SLC2A13: variants seen among roughly 807,000 people sequenced by gnomAD.
The protein encoded by SLC2A13 is solute carrier family 2 member 13, also known as proton myo-inositol cotransporter.
A neutral mutation model predicts 64.4 loss-of-function variants in SLC2A13; 32 were observed. The observed-to-expected ratio is 0.50, with a 90% confidence interval of 0.37 to 0.67. SLC2A13 has a LOEUF of 0.67. Among genes scored for constraint, SLC2A13 ranks in the 30% least tolerant of loss-of-function variants. The pLI is 0.00. For missense variants in SLC2A13, 743 were observed against 829.2 expected (o/e 0.90, Z 1.28); for synonymous variants, 338 against 327.1 (o/e 1.03, Z -0.36).
chr12:39,872,047 G>A (rs1944070390), intron 4 of SLC2A13, 86 bp from the exon 5 acceptor site: 1 of 1,190,614 alleles, frequency 8.4e-7, no homozygotes, highest in East Asian at 2.9e-5. Context: ...TATTCAATTT[G>A]AAAAAAATAT....
intron 7 of SLC2A13, among the ~76,000 whole-genome samples, chr12:39,799,132 G>T (rs4768184): frequency 6.9e-6 from 1 of 144,044 alleles, no homozygotes; most frequent in Non-Finnish European, 1.5e-5. Context: ...CAGGCTGCTA[G>T]AGTGCAGTGG....
intron 3 of SLC2A13, among the ~76,000 whole-genome samples, chr12:40,005,389 G>T (rs1375039387): frequency 6.6e-6 from 1 of 152,116 alleles, no homozygotes; most frequent in African/African-American, 2.4e-5. Flanking sequence ...TCCTAGTAAT[G>T]CTTAATGATA....
intron 3 of SLC2A13, among the ~76,000 whole-genome samples, chr12:39,982,459 G>C (rs1348089434): frequency 6.6e-6 from 1 of 151,070 alleles, no homozygotes; most frequent in Non-Finnish European, 1.5e-5. Flanking sequence ...TCCTTAAGCT[G>C]ATAAGCAACT....
intron 4 of SLC2A13, among the ~76,000 whole-genome samples, chr12:39,878,178 G>T (rs903063746): frequency 6.6e-6 from 1 of 152,054 alleles, no homozygotes; most frequent in African/African-American, 2.4e-5. Context: ...CAACTCTCAG[G>T]TATTTATTTA....
At chr12:39,978,595 G>A (rs897586217) in intron 3 of SLC2A13, among the ~76,000 whole-genome samples, 5 of 152,164 alleles carry the variant, frequency 3.3e-5, no homozygotes, top group Admixed American at 1.3e-4. Flanking sequence ...ACTCCCACCC[G>A]AATATGGCGC....
chr12:39,993,567 T>A (rs947833800), intron 3 of SLC2A13, among the ~76,000 whole-genome samples: 1 of 152,238 alleles, frequency 6.6e-6, no homozygotes, highest in African/African-American at 2.4e-5. Flanking sequence ...TACTAACACA[T>A]ATCCTTCATA....
intron 6 of SLC2A13, among the ~76,000 whole-genome samples, chr12:39,838,178 C>T (rs552700011): frequency 6.7e-6 from 1 of 150,332 alleles, no homozygotes; most frequent in African/African-American, 2.5e-5. Flanking sequence ...AGGATGAGTT[C>T]ATGTCCTTTG....
At chr12:39,998,447 G>A (rs1191274159) in intron 3 of SLC2A13, among the ~76,000 whole-genome samples, 1 of 152,222 alleles carries the variant, frequency 6.6e-6, no homozygotes. Flanking sequence ...GCCCAAGGCT[G>A]TGGGAACCCA....
At chr12:39,834,946 T>A (rs752415580) in intron 6 of SLC2A13, among the ~76,000 whole-genome samples, 2 of 152,112 alleles carry the variant, frequency 1.3e-5, no homozygotes, top group African/African-American at 2.4e-5. Context: ...CAATGGCATT[T>A]TTAAAAAGGA....
At chr12:39,944,885 T>C (rs547444062) in intron 4 of SLC2A13, among the ~76,000 whole-genome samples, 1 of 152,348 alleles carries the variant, frequency 6.6e-6, no homozygotes, top group South Asian at 2.1e-4. Context: ...ATCATGCTCT[T>C]TCTTGCCTGG....
At chr12:39,931,454 A>G (rs987712661) in intron 4 of SLC2A13, among the ~76,000 whole-genome samples, 3 of 152,190 alleles carry the variant, frequency 2.0e-5, no homozygotes, top group African/African-American at 7.2e-5. Context: ...ACCTGCACCC[A>G]GAGACACGTG....
At chr12:39,795,715 T>A (rs1006724673) in intron 7 of SLC2A13, among the ~76,000 whole-genome samples, 1 of 152,106 alleles carries the variant, frequency 6.6e-6, no homozygotes, top group Admixed American at 6.6e-5. Flanking sequence ...TTACTAGAAG[T>A]TTTATGGGCA....
intron 2 of SLC2A13, among the ~76,000 whole-genome samples, chr12:40,028,743 T>C (rs118001065): frequency 1.2e-4 from 18 of 152,290 alleles, no homozygotes; most frequent in Non-Finnish European, 2.1e-4. Context: ...CAAATTACAT[T>C]GAAAAAGAAT....
At chr12:39,956,904 G>T (rs1946323729) in intron 3 of SLC2A13, among the ~76,000 whole-genome samples, 1 of 152,012 alleles carries the variant, frequency 6.6e-6, no homozygotes, top group African/African-American at 2.4e-5. Context: ...GAGAAAGCAG[G>T]GGCCTCACTG....
chr12:39,844,130 C>T (rs1943247432), intron 6 of SLC2A13, among the ~76,000 whole-genome samples: 1 of 152,006 alleles, frequency 6.6e-6, no homozygotes, highest in Admixed American at 6.6e-5. Flanking sequence ...TTGATGTGTC[C>T]CTAAAAAGCT....
intron 1 of SLC2A13, among the ~76,000 whole-genome samples, chr12:40,087,961 C>T (rs1217256291): frequency 1.3e-5 from 2 of 151,990 alleles, no homozygotes; most frequent in Non-Finnish European, 1.5e-5. Flanking sequence ...TACACTATTC[C>T]ATTGAGGCAG....
At chr12:39,927,558 C>T (rs1945749994) in intron 4 of SLC2A13, among the ~76,000 whole-genome samples, 2 of 152,040 alleles carry the variant, frequency 1.3e-5, no homozygotes, top group Admixed American at 6.5e-5. Context: ...ATGTGGTCTA[C>T]ATTAGGTTAG....
chr12:39,927,808 G>A (rs749970129), intron 4 of SLC2A13, among the ~76,000 whole-genome samples: 75 of 151,982 alleles, frequency 4.9e-4, no homozygotes, highest in Non-Finnish European at 8.8e-5. Context: ...AAAATACTAC[G>A]CCAGAGATAC....
chr12:39,896,074 A>G (rs1176711415), intron 4 of SLC2A13, among the ~76,000 whole-genome samples: 2 of 18,532 alleles, frequency 1.1e-4, no homozygotes. Flanking sequence ...ATATATGTAT[A>G]CACGTGTACA....
Sources: gnomAD v4.1 joint callset for allele counts (sites outside exome capture counted in the v4.1 genomes callset) on GRCh38, gnomAD v4.1.1 for gene constraint, MANE v1.5 for transcripts, NCBI Gene and HGNC (gene_info 2026-07-23, HGNC 2026-07-21) for gene names.